The following HCN1 variants were observed in gnomAD, a reference collection of about 807,000 sequenced individuals.
HCN1 encodes the protein potassium/sodium hyperpolarization-activated cyclic nucleotide-gated channel 1.
A neutral mutation model predicts 78.9 loss-of-function variants in HCN1; 13 were observed. The ratio of observed to expected loss-of-function variants is 0.16; its 90% CI spans 0.11 to 0.26. The LOEUF (loss-of-function observed/expected upper bound fraction) is 0.26. HCN1 is among the 10% of genes least tolerant of loss of function. The probability of loss-of-function intolerance (pLI) is 1.00; values close to 1 mark genes in which losing one functional copy is unlikely to be tolerated. For missense variants in HCN1, 810 were observed against 1,154.3 expected, an observed-to-expected ratio of 0.70 and a Z score of 4.32; for synonymous variants, 552 against 455.5, an observed-to-expected ratio of 1.21 and a Z score of -2.70.
intron 5 of HCN1, among the ~76,000 whole-genome samples, chr5:45,331,083 C>G (rs1298566646): frequency 1.3e-5 from 2 of 151,058 alleles, no homozygotes; most frequent in East Asian, 3.9e-4. Context: ...AGATATAATT[C>G]TTAGCCTTCT....
chr5:45,592,806 T>G (rs1233732494), intron 2 of HCN1, among the ~76,000 whole-genome samples: 2 of 152,196 alleles, frequency 1.3e-5, no homozygotes, highest in East Asian at 3.9e-4. Context: ...AGGTAATGTC[T>G]TTTTTAACAT....
intron 4 of HCN1, among the ~76,000 whole-genome samples, chr5:45,372,325 T>C (rs1242641330): frequency 1.0e-5 from 1 of 99,964 alleles, no homozygotes; most frequent in African/African-American, 4.2e-5. Flanking sequence ...AATATATATG[T>C]TATATAATAT....
chr5:45,362,595 G>A (rs1247751899), intron 4 of HCN1, among the ~76,000 whole-genome samples: 1 of 152,108 alleles, frequency 6.6e-6, no homozygotes, highest in East Asian at 1.9e-4. Flanking sequence ...ATTAAATGCT[G>A]TTTTCCTGGC....
At chr5:45,424,269 G>A (rs1399992759) in intron 3 of HCN1, among the ~76,000 whole-genome samples, 2 of 151,726 alleles carry the variant, frequency 1.3e-5, no homozygotes, top group African/African-American at 4.8e-5. Context: ...TTCCAGCCTG[G>A]GTGATAGAGC....
In HCN1 at chr5:45,479,899, T is replaced by C. The variant is rs1358455430; in HGVS notation, c.850-17892A>G. Reference sequence around the variant, plus strand: ...ACATACCATTTCTTCTCCTAATATATTCTGGAAATCAATGACAGAATCAAA... The same window carrying C: ...ACATACCATTTCTTCTCCTAATATACTCTGGAAATCAATGACAGAATCAAA... On this transcript the variant is annotated intron_variant, in intron 2 of 7. Transcript: ENST00000303230. Among the ~76,000 whole-genome samples the C allele has an allele frequency of 3.9e-5, 6 of 152,214 alleles. No homozygotes were observed. The East Asian group carries it at 1.2e-3, about 29-fold the overall frequency.
chr5:45,329,498 A>T (rs544864570), intron 5 of HCN1, among the ~76,000 whole-genome samples: 54 of 151,562 alleles, frequency 3.6e-4, no homozygotes, highest in African/African-American at 1.2e-3. Flanking sequence ...TATTACAATA[A>T]TACAATCTGC....
At chr5:45,273,998 G>T (rs965064179) in intron 6 of HCN1, among the ~76,000 whole-genome samples, 1 of 152,004 alleles carries the variant, frequency 6.6e-6, no homozygotes, top group African/African-American at 2.4e-5. Flanking sequence ...CATTAAATAG[G>T]TGCAAATTTT....
At chr5:45,394,526 T>C (rs577433717) in intron 4 of HCN1, among the ~76,000 whole-genome samples, 11 of 152,200 alleles carry the variant, frequency 7.2e-5, no homozygotes, top group African/African-American at 2.7e-4. Context: ...TCATAAAAAG[T>C]AAAATTTTTA....
intron 7 of HCN1, among the ~76,000 whole-genome samples, chr5:45,266,435 T>A (rs1389396827): frequency 6.6e-6 from 1 of 152,124 alleles, no homozygotes; most frequent in South Asian, 2.1e-4. Context: ...GTGATAAAAC[T>A]TAGTTTGTAA....
At chr5:45,585,686 T>C (rs1488534727) in intron 2 of HCN1, among the ~76,000 whole-genome samples, 2 of 152,290 alleles carry the variant, frequency 1.3e-5, no homozygotes, top group Middle Eastern at 6.8e-3. Flanking sequence ...ATGATGGTGA[T>C]GTACAGATGG....
At chr5:45,321,413 T>G (rs191805323) in intron 5 of HCN1, among the ~76,000 whole-genome samples, 1 of 151,222 alleles carries the variant, frequency 6.6e-6, no homozygotes, top group East Asian at 1.9e-4. Flanking sequence ...GCTACAGAGC[T>G]AGAATATGTG....
intron 5 of HCN1, among the ~76,000 whole-genome samples, chr5:45,335,067 T>A (rs1746425484): frequency 6.6e-6 from 1 of 152,042 alleles, no homozygotes; most frequent in Admixed American, 6.6e-5. Flanking sequence ...TGAAATATAC[T>A]GACATTCTAT....
intron 2 of HCN1, among the ~76,000 whole-genome samples, chr5:45,625,299 TCTCAAAA>T (rs1745141669): frequency 6.9e-6 from 1 of 145,754 alleles, no homozygotes; most frequent in Non-Finnish European, 1.5e-5. Flanking sequence ...CAAGACTCTG[TCTCAAAA>T]CAAAACAAAA....
chr5:45,619,138 T>C (rs924184967), intron 2 of HCN1, among the ~76,000 whole-genome samples: 3 of 152,030 alleles, frequency 2.0e-5, no homozygotes, highest in Non-Finnish European at 4.4e-5. Context: ...CCTAAAGTAG[T>C]AGAAGTAATG....
chr5:45,275,767 T>C lies in HCN1; in HGVS notation c.1619-8514A>G, dbSNP rs561300973. 2.6e-5 allele frequency among the ~76,000 whole-genome samples: 4 copies of C among 151,880 alleles called. 1 individual carries two copies. Among genetic ancestry groups the C allele is most frequent in the African/African-American group, 9.7e-5 (4 of 41,412 alleles). The stretch of plus-strand genomic sequence containing the variant: ...ATGTGACATAAACAGATTAAAGGGG[T>C]TCTGTTTTGTGATTGTAACAAAAAT... On this transcript the variant is annotated intron_variant, in intron 6 of 7. Coordinates refer to ENST00000303230, the MANE Select transcript of HCN1 (RefSeq NM_021072.4).
intron 3 of HCN1, among the ~76,000 whole-genome samples, chr5:45,439,119 A>G (rs950687245): frequency 6.6e-6 from 1 of 152,164 alleles, no homozygotes; most frequent in Non-Finnish European, 1.5e-5. Context: ...TTATATTTTT[A>G]ATAAGCACTA....
At chr5:45,635,111 C>T (rs1230924084) in intron 2 of HCN1, among the ~76,000 whole-genome samples, 1 of 152,060 alleles carries the variant, frequency 6.6e-6, no homozygotes, top group Non-Finnish European at 1.5e-5. Flanking sequence ...TTCATTCTTT[C>T]ATAGATTCTG....
intron 2 of HCN1, among the ~76,000 whole-genome samples, chr5:45,586,366 A>T (rs1017747015): frequency 6.6e-6 from 1 of 152,234 alleles, no homozygotes. Flanking sequence ...TGCTAAGACC[A>T]TTGGAAAAGC....
chr5:45,321,514 A>G (rs1193142761), intron 5 of HCN1, among the ~76,000 whole-genome samples: 1 of 151,790 alleles, frequency 6.6e-6, no homozygotes, highest in Admixed American at 6.6e-5. Context: ...GTAGAATTAA[A>G]CCACAGCTTT....
Sources: allele counts gnomAD v4.1 joint callset (sites outside exome capture counted in the v4.1 genomes callset), GRCh38; gene constraint gnomAD v4.1.1; transcripts MANE v1.5; gene names NCBI Gene and HGNC (gene_info 2026-07-23, HGNC 2026-07-21).